Variants in KCNQ1 observed in about 807,000 individuals in gnomAD.
KCNQ1 encodes the protein potassium voltage-gated channel subfamily KQT member 1.
Under a neutral mutation model 72.4 loss-of-function variants are expected in KCNQ1, and 49 were observed. That is an observed-to-expected ratio of 0.68 (90% CI 0.54 to 0.86). The LOEUF (loss-of-function observed/expected upper bound fraction) is 0.86. KCNQ1 is among the 40% of genes least tolerant of loss of function. The pLI is 0.00. For missense variants in KCNQ1, 790 were observed against 945.1 expected (o/e 0.84, Z 2.15); for synonymous variants, 450 against 412.6 (o/e 1.09, Z -1.10).
Position 2,508,302 on chromosome 11 carries a change from G to A in KCNQ1, c.387-19626G>A, listed in dbSNP as rs879463874. Among the ~76,000 whole-genome samples, 12 of 152,196 alleles carry A rather than the reference G, an allele frequency of 7.9e-5. No homozygotes were observed. Among genetic ancestry groups the A allele is most frequent in the African/African-American group, 2.2e-4 (9 of 41,450 alleles). ...CTTGTCTGACTTGCCGTTACCCGGCGGAGATATGTCTTGGAAAGACTTTAG... is the reference window on the plus strand; with the variant it reads ...CTTGTCTGACTTGCCGTTACCCGGCAGAGATATGTCTTGGAAAGACTTTAG... On this transcript the variant is annotated intron_variant, in intron 1 of 15. Transcript: ENST00000155840. The surrounding 1 kb of genome is among the most constrained non-coding windows in gnomAD (Gnocchi z 6.2).
rs561114550 is a variant in KCNQ1, at chr11:2,723,810, C to T, written c.1515-45034C>T. Among the ~76,000 whole-genome samples the T allele has an allele frequency of 2.6e-4, 40 of 152,336 alleles. No individual in the cohort carries two copies. Among genetic ancestry groups the T allele is most frequent in the Admixed American group, 2.4e-3 (37 of 15,308 alleles). On this transcript the variant is annotated intron_variant, in intron 11 of 15. Coordinates refer to ENST00000155840, the MANE Select transcript of KCNQ1 (RefSeq NM_000218.3). The surrounding 1 kb of genome is among the most constrained non-coding windows in gnomAD (Gnocchi z 4.2). Reference sequence around the variant, plus strand: ...CCCAGCCACTCGGTGCACATGTACTCCAGCCTCTCTGTGTCCCATTTGCTC... The same window carrying T: ...CCCAGCCACTCGGTGCACATGTACTTCAGCCTCTCTGTGTCCCATTTGCTC...
rs1283727293 is a variant in KCNQ1 at position 2,563,293 on chromosome 11, C to G, written c.478-7335C>G. Among the ~76,000 whole-genome samples, 1 of 152,192 alleles carries G rather than the reference C, an allele frequency of 6.6e-6. No homozygotes were observed. Among genetic ancestry groups the G allele is most frequent in the Non-Finnish European group, 1.5e-5 (1 of 68,032 alleles). On this transcript the variant is annotated intron_variant, in intron 2 of 15. Transcript: ENST00000155840. This position sits in a 1 kb window ranked among gnomAD's most constrained non-coding sequence, Gnocchi z 7.4. Reference sequence around the variant, plus strand: ...TCTCGGAGAACACCGGTTCCACGGCCGGTTGCAACACGTTTGAGCCAAAGT... The same window carrying G: ...TCTCGGAGAACACCGGTTCCACGGCGGGTTGCAACACGTTTGAGCCAAAGT...
Position 2,687,996 on chromosome 11 carries a change from C to G in KCNQ1, c.1514+25915C>G. 1 of 398,730 alleles carries G rather than the reference C, an allele frequency of 2.5e-6. No homozygotes were observed. The highest frequency in any genetic ancestry group is 4.4e-6 in the Non-Finnish European group (1 of 226,162). 24.7% of individuals were successfully genotyped at this position (398,730 alleles called of 1,614,324 possible). A position where few individuals can be genotyped will look rare whatever the true frequency, so the allele number is the denominator to read the frequency against. The stretch of plus-strand genomic sequence containing the variant: ...TGCTTCCCTTTGATGTCTCCTCGTG[C>G]GAGGGAGGGGTCAGCACCCCTCTAG... On this transcript the variant is annotated intron_variant, in intron 11 of 15. Transcript: ENST00000155840. This position sits in a 1 kb window ranked among gnomAD's most constrained non-coding sequence, Gnocchi z 5.0.
intron 2 of KCNQ1, 62 bp from the exon 3 acceptor site, chr11:2,570,566 A>G (rs1335788626): frequency 1.3e-5 from 21 of 1,602,246 alleles, no homozygotes; most frequent in Non-Finnish European, 1.8e-5. Context: ...AACAGGTTGC[A>G]GGGTCTGAAG....
chr11:2,561,637 A>G (rs1482113183), intron 2 of KCNQ1, among the ~76,000 whole-genome samples: 1 of 152,202 alleles, frequency 6.6e-6, no homozygotes, highest in Non-Finnish European at 1.5e-5. Flanking sequence ...GTGTCCTCAC[A>G]CCAGCCTGCT....
chr11:2,743,184 C>T (rs140216980), intron 11 of KCNQ1, among the ~76,000 whole-genome samples: 244 of 152,314 alleles, frequency 1.6e-3, no homozygotes, highest in African/African-American at 5.5e-3. Flanking sequence ...CCAGAAATCA[C>T]AGGGATGACT....
chr11:2,731,923 A>T (rs1277439106), intron 11 of KCNQ1, among the ~76,000 whole-genome samples: 1 of 152,218 alleles, frequency 6.6e-6, no homozygotes, highest in Non-Finnish European at 1.5e-5. Flanking sequence ...GCCATCTCAC[A>T]GAGCTGTCTC....
chr11:2,551,463 AG>A (rs928147467), intron 2 of KCNQ1, among the ~76,000 whole-genome samples: 2 of 152,252 alleles, frequency 1.3e-5, no homozygotes, highest in African/African-American at 4.8e-5. Context: ...TTATTTGGAA[AG>A]GATAAAATGT....
intron 2 of KCNQ1, among the ~76,000 whole-genome samples, chr11:2,551,248 T>G (rs1847979096): frequency 6.6e-6 from 1 of 152,072 alleles, no homozygotes; most frequent in African/African-American, 2.4e-5. Context: ...ACCCGAAAGC[T>G]CCCTGGTACC....
Position 2,668,722 on chromosome 11 carries a change from T to A in KCNQ1, c.1514+6641T>A. The A allele has an allele frequency of 7.5e-6, 3 of 398,634 alleles. No individual in the cohort carries two copies. Among genetic ancestry groups the A allele is most frequent in the East Asian group, 3.6e-5 (1 of 28,078 alleles). The allele number at this position is 398,634 out of a possible 1,614,324, so 24.7% of individuals were successfully genotyped here. A position where few individuals can be genotyped will look rare whatever the true frequency, so the allele number is the denominator to read the frequency against. On this transcript the variant is annotated intron_variant, in intron 11 of 15. Transcript: ENST00000155840. This position sits in a 1 kb window ranked among gnomAD's most constrained non-coding sequence, Gnocchi z 4.3. ...CACACTCTCTCACAGACACACACATTGCAAATATCGCCTCCCCCTCTGCAG... is the reference window on the plus strand; with the variant it reads ...CACACTCTCTCACAGACACACACATAGCAAATATCGCCTCCCCCTCTGCAG...
chr11:2,563,384 C>T lies in KCNQ1; in HGVS notation c.478-7244C>T, dbSNP rs908098252. Among the ~76,000 whole-genome samples the T allele has an allele frequency of 6.6e-6, 1 of 152,348 alleles. No individual in the cohort carries two copies. Among genetic ancestry groups the T allele is most frequent in the Non-Finnish European group, 1.5e-5 (1 of 68,034 alleles). On this transcript the variant is annotated intron_variant, in intron 2 of 15. Transcript: ENST00000155840. This position sits in a 1 kb window ranked among gnomAD's most constrained non-coding sequence, Gnocchi z 7.4. ...CCAGATAAGCACCTGCTTTGCTAGA[C>T]CCTTGCTGGCCCTCCGGCTTCGGGC...
At position 2,445,284 on chromosome 11, in the gene KCNQ1, G is replaced by C. The variant is rs1306372525; in HGVS notation, c.186G>C (p.Ala62=). The change falls in exon 1 of 16, where the codon GCG becomes GCC. Residue 62 remains alanine (A), a synonymous_variant. Coordinates refer to ENST00000155840, the MANE Select transcript of KCNQ1 (RefSeq NM_000218.3). ...APIAPGAPGP[A]PPASPAAPAA... is the part of the protein sequence containing the mutation. ...TCGCGCCCGGCGCCCCAGGTCCCGCGCCCCCTGCGTCCCCGGCCGCGCCCG... is the reference window on the plus strand; with the variant it reads ...TCGCGCCCGGCGCCCCAGGTCCCGCCCCCCCTGCGTCCCCGGCCGCGCCCG... 20 of 1,315,278 alleles carry C rather than the reference G, an allele frequency of 1.5e-5. No individual in the cohort carries two copies. Among genetic ancestry groups the C allele is most frequent in the Non-Finnish European group, 1.9e-5 (20 of 1,038,376 alleles). 81.5% of individuals were successfully genotyped at this position (1,315,278 alleles called of 1,614,324 possible).
At position 2,617,045 on chromosome 11, in the gene KCNQ1, A is replaced by C; in HGVS notation, c.1393+28191A>C. The C allele has an allele frequency of 2.5e-6, 1 of 398,226 alleles. No homozygotes were observed. The highest frequency in any genetic ancestry group is 3.6e-5 in the East Asian group (1 of 28,038). 24.7% of individuals were successfully genotyped at this position (398,226 alleles called of 1,614,324 possible). On this transcript the variant is annotated intron_variant, in intron 10 of 15. Transcript: ENST00000155840. This position sits in a 1 kb window ranked among gnomAD's most constrained non-coding sequence, Gnocchi z 4.6. ...ATCGTTAACATAGTGATGCAAATTA[A>C]TATGTCCATCATCTCACAGTTATTC...
rs185799874 is a variant in KCNQ1, at chr11:2,673,603, C to G, written c.1514+11522C>G. ...TTACTTGGGCTAAAGAGAAGCTAAA[C>G]GTGACCAGCCTACCCACCTTGCTAC... On this transcript the variant is annotated intron_variant, in intron 11 of 15. Coordinates refer to ENST00000155840, the MANE Select transcript of KCNQ1 (RefSeq NM_000218.3). This position sits in a 1 kb window ranked among gnomAD's most constrained non-coding sequence, Gnocchi z 4.5. 7.5e-6 allele frequency: 3 copies of G among 398,658 alleles called. No homozygotes were observed. Among genetic ancestry groups the G allele is most frequent in the South Asian group, 1.3e-4 (1 of 7,868 alleles). 24.7% of individuals were successfully genotyped at this position (398,658 alleles called of 1,614,324 possible). A position where few individuals can be genotyped will look rare whatever the true frequency, so the allele number is the denominator to read the frequency against.
chr11:2,579,880 G>A lies in KCNQ1; in HGVS notation c.922-3555G>A, dbSNP rs1020842349. ...GGGGGCAGGTTTGGAAGGTGGTCTC[G>A]GGTGTCCTTACGCGAGCAGGTGGCT... On this transcript the variant is annotated intron_variant, in intron 6 of 15. Coordinates refer to ENST00000155840, the MANE Select transcript of KCNQ1 (RefSeq NM_000218.3). The surrounding 1 kb of genome is among the most constrained non-coding windows in gnomAD (Gnocchi z 6.0). Among the ~76,000 whole-genome samples the A allele has an allele frequency of 4.6e-5, 7 of 152,006 alleles. No homozygotes were observed. Among genetic ancestry groups the A allele is most frequent in the African/African-American group, 7.3e-5 (3 of 41,364 alleles).
intron 10 of KCNQ1, among the ~76,000 whole-genome samples, chr11:2,590,802 C>A (rs1327428422): frequency 6.6e-6 from 1 of 152,190 alleles, no homozygotes; most frequent in Non-Finnish European, 1.5e-5. Flanking sequence ...GTGGCCCAGT[C>A]CCTTGGAGGC....
intron 1 of KCNQ1, among the ~76,000 whole-genome samples, chr11:2,499,266 T>C (rs1291661382): frequency 2.6e-5 from 4 of 152,116 alleles, no homozygotes; most frequent in African/African-American, 9.7e-5. Flanking sequence ...AGTTGTAAGA[T>C]ATTTTCAAGC....
rs1475404105 is a variant in KCNQ1 at position 2,715,042 on chromosome 11, G to A, written c.1514+52961G>A. ...CAGCTGGGCAGATTGCCGGTGGTTG[G>A]TGCTGGTGAGGAGTAGCAGGGTGGG... On this transcript the variant is annotated intron_variant, in intron 11 of 15. Transcript: ENST00000155840. This position sits in a 1 kb window ranked among gnomAD's most constrained non-coding sequence, Gnocchi z 4.9. Among the ~76,000 whole-genome samples the A allele has an allele frequency of 2.0e-5, 3 of 152,064 alleles. No homozygotes were observed. Among genetic ancestry groups the A allele is most frequent in the East Asian group, 3.9e-4 (2 of 5,166 alleles).
rs984715895 is a variant in KCNQ1 at position 2,486,731 on chromosome 11, CAT to C, written c.387-41194_387-41193del. The stretch of plus-strand genomic sequence containing the variant: ...GAAGGTGAAGCGGGAGTAGGTGTCT[CAT>C]ATGATGAGACAGGGAGCAAGAGAAA... On this transcript the variant is annotated intron_variant, in intron 1 of 15. Transcript: ENST00000155840. This position sits in a 1 kb window ranked among gnomAD's most constrained non-coding sequence, Gnocchi z 5.0. Among the ~76,000 whole-genome samples, 3 of 152,168 alleles carry C rather than the reference CAT, an allele frequency of 2.0e-5. No homozygotes were observed. Among genetic ancestry groups the C allele is most frequent in the African/African-American group, 7.2e-5 (3 of 41,422 alleles).
Sources: allele counts gnomAD v4.1 joint callset (sites outside exome capture counted in the v4.1 genomes callset), GRCh38; gene constraint gnomAD v4.1.1; non-coding constraint Gnocchi (gnomAD v3.1); transcripts MANE v1.5; gene names NCBI Gene and HGNC (gene_info 2026-07-23, HGNC 2026-07-21).